The following GPC5 variants were observed in gnomAD, a reference collection of about 807,000 sequenced individuals.
GPC5 encodes glypican 5.
GPC5 carries 47 observed loss-of-function variants against 53.9 expected under a neutral mutation model. That is an observed-to-expected ratio of 0.87 (90% CI 0.69 to 1.11). The LOEUF is 1.11. GPC5 is among the 50% of genes most tolerant of loss of function. GPC5 has a pLI of 0.00. For missense variants in GPC5, 748 were observed against 713.1 expected (o/e 1.05, Z -0.56); for synonymous variants, 286 against 263.3 (o/e 1.09, Z -0.84).
At chr13:91,733,117 G>C (rs888621000) in intron 4 of GPC5, among the ~76,000 whole-genome samples, 6 of 152,054 alleles carry the variant, frequency 3.9e-5, no homozygotes, top group Non-Finnish European at 5.9e-5. Context: ...TGGGCAGTAT[G>C]GCCATTTTCA....
intron 7 of GPC5, among the ~76,000 whole-genome samples, chr13:92,444,781 T>G (rs550849854): frequency 6.9e-6 from 1 of 144,102 alleles, no homozygotes; most frequent in African/African-American, 2.6e-5. Context: ...AAGAAACCAT[T>G]GAAAGAAACT....
intron 6 of GPC5, among the ~76,000 whole-genome samples, chr13:92,022,347 C>A (rs2040766255): frequency 6.6e-6 from 1 of 151,944 alleles, no homozygotes; most frequent in South Asian, 2.1e-4. Context: ...ATTCTTGAAG[C>A]CGGTTTTAGT....
At chr13:92,783,301 T>C (rs934377298) in intron 7 of GPC5, among the ~76,000 whole-genome samples, 2 of 152,176 alleles carry the variant, frequency 1.3e-5, no homozygotes, top group African/African-American at 4.8e-5. Flanking sequence ...ATTCATCACC[T>C]ATAGTAGACT....
chr13:92,049,227 G>A (rs1302108268), intron 6 of GPC5, among the ~76,000 whole-genome samples: 2 of 152,056 alleles, frequency 1.3e-5, no homozygotes, highest in Non-Finnish European at 2.9e-5. Context: ...CTAATACATA[G>A]CTGATTAAAT....
In GPC5 at chr13:92,144,975, T is replaced by C. The variant is rs1250609934; in HGVS notation, c.1547T>C (p.Leu516Pro). Residue 516 changes from leucine (L) to proline (P), a missense_variant, in exon 7 of 8, where the codon CTG (leucine) becomes CCG (proline). Physicochemically the swap from Leu to Pro is moderately conservative, Grantham distance 98. Transcript: ENST00000377067. ...GGAAGTGGAGAAGTCAAGAGGACAC[T>C]GAAGATCACAGACTGTAAGTGTATG... ...GSGSGEVKRTLKITDWMPDDM... is the reference protein window; with the variant it reads ...GSGSGEVKRTPKITDWMPDDM... 3.3e-6 allele frequency: 5 copies of C among 1,521,290 alleles called. No homozygotes were observed. The highest frequency in any genetic ancestry group is 4.4e-6 in the Non-Finnish European group (5 of 1,139,430). 94.2% of individuals were successfully genotyped at this position (1,521,290 alleles called of 1,614,324 possible). A position where few individuals can be genotyped will look rare whatever the true frequency, so the allele number is the denominator to read the frequency against.
intron 7 of GPC5, among the ~76,000 whole-genome samples, chr13:92,732,422 C>T (rs188525816): frequency 5.3e-5 from 8 of 151,572 alleles, no homozygotes; most frequent in East Asian, 1.9e-4. Context: ...TACTACTGTG[C>T]TTCATGTTTT....
rs563804819 is a variant in GPC5, at chr13:92,534,217, G to A, written c.1562-332065G>A. Among the ~76,000 whole-genome samples the A allele has an allele frequency of 1.2e-4, 19 of 152,234 alleles. 1 individual carries two copies. The South Asian group carries it at 1.9e-3, about 15-fold the overall frequency. ...TAGGATGGTCGCTTGAGCCTGGGAGGAAAAGGTTGCAGTGAACATGCCACT... is the reference window on the plus strand; with the variant it reads ...TAGGATGGTCGCTTGAGCCTGGGAGAAAAAGGTTGCAGTGAACATGCCACT... On this transcript the variant is annotated intron_variant, in intron 7 of 7. Coordinates refer to ENST00000377067, the MANE Select transcript of GPC5 (RefSeq NM_004466.6).
At chr13:91,496,862 C>T (rs1253079249) in intron 2 of GPC5, among the ~76,000 whole-genome samples, 1 of 152,028 alleles carries the variant, frequency 6.6e-6, no homozygotes, top group African/African-American at 2.4e-5. Context: ...CATTGCATGC[C>T]TGTATTAAAG....
At chr13:92,306,018 G>C (rs1032704887) in intron 7 of GPC5, among the ~76,000 whole-genome samples, 1 of 152,182 alleles carries the variant, frequency 6.6e-6, no homozygotes, top group Non-Finnish European at 1.5e-5. Context: ...AAAGTACGTG[G>C]ACTGAGAAGA....
chr13:92,584,090 T>C (rs1883458544), intron 7 of GPC5, among the ~76,000 whole-genome samples: 1 of 152,078 alleles, frequency 6.6e-6, no homozygotes, highest in African/African-American at 2.4e-5. Context: ...ACTAATACAG[T>C]ACATTGGTAC....
At chr13:92,169,390 TA>T (rs2042053850) in intron 7 of GPC5, among the ~76,000 whole-genome samples, 1 of 152,346 alleles carries the variant, frequency 6.6e-6, no homozygotes, top group East Asian at 1.9e-4. Context: ...ATTTGAGGTT[TA>T]AAAATTCACG....
chr13:91,514,613 G>A (rs1468582534), intron 2 of GPC5, among the ~76,000 whole-genome samples: 1 of 151,992 alleles, frequency 6.6e-6, no homozygotes, highest in African/African-American at 2.4e-5. Flanking sequence ...ATCCATCTAG[G>A]AAGTAAAAAG....
intron 7 of GPC5, among the ~76,000 whole-genome samples, chr13:92,681,958 A>T (rs1251954228): frequency 6.6e-6 from 1 of 152,216 alleles, no homozygotes; most frequent in African/African-American, 2.4e-5. Context: ...CCAGTATGAC[A>T]GTGCAAGATA....
At chr13:92,286,625 T>C (rs1356714411) in intron 7 of GPC5, among the ~76,000 whole-genome samples, 1 of 151,324 alleles carries the variant, frequency 6.6e-6, no homozygotes, top group East Asian at 2.0e-4. Context: ...CTCAGCAAAC[T>C]ATCTCAAGGA....
chr13:92,355,075 G>T (rs935148005), intron 7 of GPC5, among the ~76,000 whole-genome samples: 7 of 151,132 alleles, frequency 4.6e-5, no homozygotes, highest in South Asian at 2.1e-4. Flanking sequence ...ATGCAGATTA[G>T]CTCTATGCCT....
chr13:91,882,348 T>G (rs2039273333), intron 5 of GPC5, among the ~76,000 whole-genome samples: 1 of 152,096 alleles, frequency 6.6e-6, no homozygotes, highest in Admixed American at 6.5e-5. Flanking sequence ...ATTATAATGC[T>G]CAAATTTTAT....
intron 7 of GPC5, among the ~76,000 whole-genome samples, chr13:92,320,930 C>A (rs939855000): frequency 1.3e-5 from 2 of 152,080 alleles, no homozygotes; most frequent in African/African-American, 4.8e-5. Context: ...ATCTTTGACC[C>A]TTGGCAATAA....
At chr13:91,540,334 C>T (rs1270855889) in intron 2 of GPC5, among the ~76,000 whole-genome samples, 2 of 152,214 alleles carry the variant, frequency 1.3e-5, no homozygotes, top group Non-Finnish European at 2.9e-5. Context: ...TCTGGCCAGG[C>T]CTTAGAATTC....
intron 5 of GPC5, among the ~76,000 whole-genome samples, chr13:91,904,682 G>A (rs2039534892): frequency 6.6e-6 from 1 of 151,954 alleles, no homozygotes; most frequent in Non-Finnish European, 1.5e-5. Context: ...GTTAAAAAGG[G>A]GTTAAACACA....
Sources: allele counts gnomAD v4.1 joint callset (sites outside exome capture counted in the v4.1 genomes callset), GRCh38; gene constraint gnomAD v4.1.1; transcripts MANE v1.5; gene names NCBI Gene and HGNC (gene_info 2026-07-23, HGNC 2026-07-21).